GATA4: variants seen among roughly 807,000 people sequenced by gnomAD.
GATA4 encodes the protein GATA binding protein 4.
Under a neutral mutation model 37.9 loss-of-function variants are expected in GATA4, and 7 were observed. The observed-to-expected ratio is 0.18, with a 90% CI of 0.11 to 0.35. GATA4 has a LOEUF of 0.35. GATA4 is among the 10% of genes least tolerant of loss of function. GATA4 has a pLI of 1.00. For missense variants in GATA4, 647 were observed against 653.0 expected (o/e 0.99, Z 0.10); for synonymous variants, 372 against 292.6 (o/e 1.27, Z -2.77).
At chr8:11,680,483 A>C in intron 1 of GATA4, 5 of 985,416 alleles carry the variant, frequency 5.1e-6, no homozygotes, top group Non-Finnish European at 6.0e-6. Flanking sequence ...CTTTGGATGC[A>C]TTTCGATCAA....
At chr8:11,681,199 C>A (rs1206427518) in intron 1 of GATA4, 1 of 985,366 alleles carries the variant, frequency 1.0e-6, no homozygotes, top group Non-Finnish European at 1.2e-6. Context: ...CCCTGGCCCG[C>A]GCGGGATCTG....
chr8:11,737,378 C>T (rs2130243175), intron 2 of GATA4, among the ~76,000 whole-genome samples: 1 of 152,316 alleles, frequency 6.6e-6, no homozygotes, highest in South Asian at 2.1e-4. Flanking sequence ...AAGGAAAAGC[C>T]TCTCCCTGCA....
chr8:11,753,937 CCAGGACTGGCTTAGGCAT>C (rs1802430188), intron 4 of GATA4, among the ~76,000 whole-genome samples: 1 of 152,188 alleles, frequency 6.6e-6, no homozygotes, highest in South Asian at 2.1e-4. Flanking sequence ...GTCCTGCTCC[CCAGGACTGGCTTAGGCAT>C]CTGTGAATGG....
At chr8:11,756,817 T>A (rs1042295363) in intron 5 of GATA4, 118 bp from the exon 6 acceptor site, 1 of 1,368,776 alleles carries the variant, frequency 7.3e-7, no homozygotes, top group East Asian at 2.3e-5. Context: ...TCTGCTGCTG[T>A]CCCCGGCAAA....
chr8:11,728,752 G>A (rs1024219603), intron 2 of GATA4, among the ~76,000 whole-genome samples: 8 of 152,172 alleles, frequency 5.3e-5, no homozygotes, highest in Non-Finnish European at 8.8e-5. Context: ...TGCACAGGAG[G>A]CTGCCAAGTT....
chr8:11,701,453 A>C (rs1799673924), upstream of GATA4, among the ~76,000 whole-genome samples: 1 of 151,976 alleles, frequency 6.6e-6, no homozygotes, highest in Admixed American at 6.6e-5. Flanking sequence ...CTGGAGCGAG[A>C]GAGAAGCCTG....
intron 2 of GATA4, among the ~76,000 whole-genome samples, chr8:11,745,280 G>A (rs1299273712): frequency 6.6e-6 from 1 of 152,014 alleles, no homozygotes; most frequent in Non-Finnish European, 1.5e-5. Context: ...TTCTGGGGTG[G>A]GCACAGTTCT....
chr8:11,741,334 C>G (rs929926492), intron 2 of GATA4, among the ~76,000 whole-genome samples: 4 of 152,008 alleles, frequency 2.6e-5, no homozygotes, highest in Non-Finnish European at 4.4e-5. Context: ...GAAAAATTAG[C>G]TGAGCGTGGT....
At chr8:11,694,448 A>G (rs1215636786) in intron 1 of GATA4, 2 of 984,268 alleles carry the variant, frequency 2.0e-6, no homozygotes, top group African/African-American at 1.7e-5. Context: ...CTTCCCCCAG[A>G]ACATTGCGCT....
intron 2 of GATA4, among the ~76,000 whole-genome samples, chr8:11,724,462 A>G (rs1800820390): frequency 6.6e-6 from 1 of 152,164 alleles, no homozygotes; most frequent in Non-Finnish European, 1.5e-5. Flanking sequence ...CAAAAATCCC[A>G]TTCTCAACAT....
chr8:11,686,598 A>C (rs1413035831), intron 1 of GATA4, among the ~76,000 whole-genome samples: 1 of 152,170 alleles, frequency 6.6e-6, no homozygotes, highest in Non-Finnish European at 1.5e-5. Context: ...ATCTTCATGT[A>C]ATTTTCCAGC....
chr8:11,724,223 A>G (rs1238519360), intron 2 of GATA4, among the ~76,000 whole-genome samples: 2 of 152,134 alleles, frequency 1.3e-5, no homozygotes, highest in Admixed American at 6.5e-5. Flanking sequence ...CTCCATAGAC[A>G]ATTGGGTTGC....
rs940691283 is a variant in GATA4, at chr8:11,709,143, G to A, written c.616+215G>A. Among the ~76,000 whole-genome samples, 1 of 152,180 alleles carries A rather than the reference G, an allele frequency of 6.6e-6. No individual in the cohort carries two copies. The highest frequency in any genetic ancestry group is 1.5e-5 in the Non-Finnish European group (1 of 68,020). On this transcript the variant is annotated intron_variant, in intron 2 of 6. Coordinates refer to ENST00000532059, the MANE Select transcript of GATA4 (RefSeq NM_001308093.3). This position sits in a 1 kb window ranked among gnomAD's most constrained non-coding sequence, Gnocchi z 4.3. ...TCTGTGGAAGGGGCCGGGCCTGCCCGCCGGGGCCTCTTCTGAGATGGTGTC... is the reference window on the plus strand; with the variant it reads ...TCTGTGGAAGGGGCCGGGCCTGCCCACCGGGGCCTCTTCTGAGATGGTGTC...
chr8:11,733,009 G>A (rs1390707510), intron 2 of GATA4, among the ~76,000 whole-genome samples: 2 of 152,068 alleles, frequency 1.3e-5, no homozygotes, highest in African/African-American at 2.4e-5. Context: ...AAATTTCCTT[G>A]TTAATAAAAT....
intron 2 of GATA4, among the ~76,000 whole-genome samples, chr8:11,728,257 G>C (rs1801033609): frequency 6.6e-6 from 1 of 152,236 alleles, no homozygotes; most frequent in Non-Finnish European, 1.5e-5. Context: ...CCAAAGTGTT[G>C]GGATTACAGG....
chr8:11,693,660 G>A (rs1418597695), intron 1 of GATA4, among the ~76,000 whole-genome samples: 1 of 151,920 alleles, frequency 6.6e-6, no homozygotes, highest in African/African-American at 2.4e-5. Context: ...CAGAGTGGGC[G>A]GCTGGCGTGC....
chr8:11,711,280 C>G (rs1213063399), intron 2 of GATA4, among the ~76,000 whole-genome samples: 1 of 152,226 alleles, frequency 6.6e-6, no homozygotes, highest in East Asian at 1.9e-4. Context: ...CACCTGCCTT[C>G]TCTGGGCTCT....
chr8:11,754,965 C>T (rs996822975), intron 4 of GATA4, 81 bp from the exon 5 acceptor site: 8 of 1,123,782 alleles, frequency 7.1e-6, no homozygotes, highest in South Asian at 1.3e-5. Flanking sequence ...GTTGCCTTCT[C>T]GCAGCAGGTG....
rs757724252 is a variant in GATA4 at position 11,707,463 on chromosome 8, G to A, written c.-457-393G>A. 8.5e-5 allele frequency among the ~76,000 whole-genome samples: 13 copies of A among 152,236 alleles called. No individual in the cohort carries two copies. Among genetic ancestry groups the A allele is most frequent in the African/African-American group, 1.4e-4 (6 of 41,536 alleles). On this transcript the variant is annotated intron_variant, in intron 1 of 6. Transcript: ENST00000532059. The surrounding 1 kb of genome is among the most constrained non-coding windows in gnomAD (Gnocchi z 4.7). ...GGGAGAGATGGGGAACAGAGGAGAT[G>A]AGAGATTTCTTGGGTCCCAGGCACT...
Sources: allele counts gnomAD v4.1 joint callset (sites outside exome capture counted in the v4.1 genomes callset), GRCh38; gene constraint gnomAD v4.1.1; non-coding constraint Gnocchi (gnomAD v3.1); transcripts MANE v1.5; gene names NCBI Gene and HGNC (gene_info 2026-07-23, HGNC 2026-07-21).